The following CFAP77 variants were observed in gnomAD, a reference collection of about 807,000 sequenced individuals.
CFAP77 encodes the protein cilia- and flagella-associated protein 77.
Under a neutral mutation model 31.1 loss-of-function variants are expected in CFAP77, and 25 were observed. The ratio of observed to expected loss-of-function variants is 0.80; its 90% CI spans 0.59 to 1.12. The LOEUF (loss-of-function observed/expected upper bound fraction) is 1.12, where lower values mean the gene tolerates loss of function less well. Ranked by LOEUF, CFAP77 falls within the 50% of genes most tolerant of loss-of-function variation. CFAP77 has a pLI of 0.00. For missense variants in CFAP77, 377 were observed against 397.3 expected, an observed-to-expected ratio of 0.95 and a Z score of 0.44; for synonymous variants, 151 against 159.9, an observed-to-expected ratio of 0.94 and a Z score of 0.42.
chr9:132,567,061 C>A (rs745520181), intron 5 of CFAP77, among the ~76,000 whole-genome samples: 1 of 152,222 alleles, frequency 6.6e-6, no homozygotes, highest in African/African-American at 2.4e-5. Flanking sequence ...AGAGGAGGAG[C>A]CCTTCCTTGA....
chr9:132,502,281 GGA>G (rs1491331420), intron 3 of CFAP77, among the ~76,000 whole-genome samples: 252 of 105,010 alleles, frequency 2.4e-3, no homozygotes, highest in East Asian at 0.017. Context: ...TTTTTTTGGG[GGA>G]GGGGGGTGGT....
At chr9:132,429,448 G>T (rs1850368467) in intron 1 of CFAP77, among the ~76,000 whole-genome samples, 1 of 147,156 alleles carries the variant, frequency 6.8e-6, no homozygotes, top group South Asian at 2.2e-4. Flanking sequence ...TGAGGCAGGA[G>T]AATCGCTTGA....
intron 5 of CFAP77, among the ~76,000 whole-genome samples, chr9:132,556,642 C>T (rs539099109): frequency 8.5e-5 from 13 of 152,300 alleles, no homozygotes; most frequent in African/African-American, 2.9e-4. Context: ...GCCGGGCTGA[C>T]GAGCCCCTCA....
At chr9:132,427,516 G>A (rs1341663886) in intron 1 of CFAP77, among the ~76,000 whole-genome samples, 1 of 152,182 alleles carries the variant, frequency 6.6e-6, no homozygotes, top group East Asian at 1.9e-4. Flanking sequence ...GTGGGAGGCT[G>A]AGGCACGATA....
chr9:132,429,035 T>C (rs927947512), intron 1 of CFAP77, among the ~76,000 whole-genome samples: 9 of 152,162 alleles, frequency 5.9e-5, no homozygotes, highest in African/African-American at 2.2e-4. Flanking sequence ...CTTGTTTTCT[T>C]TCTTTCATGA....
chr9:132,415,614 G>T lies in CFAP77; in HGVS notation c.195+5148G>T, dbSNP rs11789562. Among the ~76,000 whole-genome samples, 97 of 152,244 alleles carry T rather than the reference G, an allele frequency of 6.4e-4. 1 individual carries two copies. Among genetic ancestry groups the T allele is most frequent in the Non-Finnish European group, 1.2e-3 (79 of 68,024 alleles). ...ACTGCGGTGGCGTGGCAGGAAGGCCGTTCCTCCAGGAAAAATTCTGAGGCT... is the reference window on the plus strand; with the variant it reads ...ACTGCGGTGGCGTGGCAGGAAGGCCTTTCCTCCAGGAAAAATTCTGAGGCT... On this transcript the variant is annotated intron_variant, in intron 1 of 5. Transcript: ENST00000393216.
At chr9:132,476,792 G>A (rs976405741) in intron 1 of CFAP77, among the ~76,000 whole-genome samples, 2 of 152,116 alleles carry the variant, frequency 1.3e-5, no homozygotes, top group African/African-American at 4.8e-5. Flanking sequence ...ACCAGCAGCC[G>A]GGAGAGAGGC....
intron 1 of CFAP77, among the ~76,000 whole-genome samples, chr9:132,459,288 G>A (rs1850990066): frequency 6.6e-6 from 1 of 152,038 alleles, no homozygotes; most frequent in Non-Finnish European, 1.5e-5. Flanking sequence ...AGCCAGGATG[G>A]TCTCGATCTC....
Position 132,501,874 on chromosome 9 carries a change from C to T in CFAP77, c.524+2274C>T, listed in dbSNP as rs956369191. ...GGGTGAAATCAGTCCCTGCAATCTA[C>T]GTGGGCCGATGGTGGAAAAGACGTA... On this transcript the variant is annotated intron_variant, in intron 3 of 5. Transcript: ENST00000393216. The surrounding 1 kb of genome is among the most constrained non-coding windows in gnomAD (Gnocchi z 4.6). Among the ~76,000 whole-genome samples, 8 of 152,178 alleles carry T rather than the reference C, an allele frequency of 5.3e-5. 1 individual carries two copies. Among genetic ancestry groups the T allele is most frequent in the Non-Finnish European group, 1.0e-4 (7 of 68,042 alleles).
rs983280125 is a variant in CFAP77, at chr9:132,517,092, C to T, written c.524+17492C>T. ...GGTGGAGAGGGTGGATCTCCCTAGACGGCTCCACTTCTGGGTGTCCCTCAT... is the reference window on the plus strand; with the variant it reads ...GGTGGAGAGGGTGGATCTCCCTAGATGGCTCCACTTCTGGGTGTCCCTCAT... On this transcript the variant is annotated intron_variant, in intron 3 of 5. Coordinates refer to ENST00000393216, the MANE Select transcript of CFAP77 (RefSeq NM_001282957.2). The surrounding 1 kb of genome is among the most constrained non-coding windows in gnomAD (Gnocchi z 4.7). 1.7e-4 allele frequency among the ~76,000 whole-genome samples: 26 copies of T among 152,172 alleles called. No homozygotes were observed. The highest frequency in any genetic ancestry group is 4.8e-4 in the African/African-American group (20 of 41,444).
chr9:132,526,386 C>A (rs1055995121), intron 3 of CFAP77, among the ~76,000 whole-genome samples: 2 of 150,832 alleles, frequency 1.3e-5, no homozygotes, highest in Admixed American at 6.6e-5. Context: ...CCCGCCACCA[C>A]GCCTGGCTAA....
At chr9:132,521,089 T>A (rs918830442) in intron 3 of CFAP77, among the ~76,000 whole-genome samples, 2 of 152,236 alleles carry the variant, frequency 1.3e-5, no homozygotes, top group Non-Finnish European at 2.9e-5. Context: ...CTCTCATTCG[T>A]CTTCAGGAAG....
At chr9:132,451,896 C>T (rs1410271481) in intron 1 of CFAP77, among the ~76,000 whole-genome samples, 1 of 149,998 alleles carries the variant, frequency 6.7e-6, no homozygotes, top group African/African-American at 2.5e-5. Context: ...CTTCCGCCTC[C>T]TGGATTCAAG....
chr9:132,460,986 A>T (rs1456898578), intron 1 of CFAP77, among the ~76,000 whole-genome samples: 2 of 152,174 alleles, frequency 1.3e-5, no homozygotes, highest in Non-Finnish European at 2.9e-5. Flanking sequence ...TCAGTCTCCC[A>T]AAGTGCTGGG....
At chr9:132,541,148 A>G (rs1852633574) in intron 4 of CFAP77, among the ~76,000 whole-genome samples, 2 of 152,170 alleles carry the variant, frequency 1.3e-5, no homozygotes. Context: ...TCAAGCCTGT[A>G]AGCATCGGGG....
chr9:132,465,864 C>T (rs72765890), intron 1 of CFAP77, among the ~76,000 whole-genome samples: 9,125 of 152,074 alleles, frequency 0.06, 338 homozygotes, highest in Middle Eastern at 0.1. Context: ...GCTGATGGCA[C>T]GAGGAGACAT....
chr9:132,476,976 G>C lies in CFAP77; in HGVS notation c.196-21719G>C, dbSNP rs548683608. ...TACAGAGGCGATGGTTTGGGGCCAG[G>C]AATGCATGATCAGGTCTTCCCAGCC... On this transcript the variant is annotated intron_variant, in intron 1 of 5. Coordinates refer to ENST00000393216, the MANE Select transcript of CFAP77 (RefSeq NM_001282957.2). Among the ~76,000 whole-genome samples, 21 of 152,340 alleles carry C rather than the reference G, an allele frequency of 1.4e-4. No homozygotes were observed. The South Asian group carries it at 4.1e-3, about 30-fold the overall frequency.
At chr9:132,544,366 T>C (rs986320472) in intron 5 of CFAP77, among the ~76,000 whole-genome samples, 3 of 152,152 alleles carry the variant, frequency 2.0e-5, no homozygotes, top group Admixed American at 2.0e-4. Context: ...GCACGGCTCA[T>C]CTCTAGCTTC....
chr9:132,484,050 C>T (rs1321878423), intron 1 of CFAP77, among the ~76,000 whole-genome samples: 3 of 151,644 alleles, frequency 2.0e-5, no homozygotes, highest in Non-Finnish European at 2.9e-5. Context: ...GATTCTCCTG[C>T]CTCAGCCTCC....
Sources: gnomAD v4.1 joint callset for allele counts (sites outside exome capture counted in the v4.1 genomes callset) on GRCh38, gnomAD v4.1.1 for gene constraint, Gnocchi (gnomAD v3.1) non-coding constraint, MANE v1.5 for transcripts, NCBI Gene and HGNC (gene_info 2026-07-23, HGNC 2026-07-21) for gene names.